The following DLG2 variants were observed in gnomAD, a reference collection of about 807,000 sequenced individuals.
DLG2 encodes disks large homolog 2.
A neutral mutation model predicts 132.5 loss-of-function variants in DLG2; 45 were observed. The observed-to-expected ratio is 0.34, with a 90% CI of 0.27 to 0.44. The LOEUF is 0.44. Among genes scored for constraint, DLG2 ranks in the 20% least tolerant of loss-of-function variants. The pLI is 1.00. For synonymous variants in DLG2, 424 were observed against 419.6 expected (o/e 1.01, Z -0.13); for missense variants, 1,045 against 1,196.9 (o/e 0.87, Z 1.87).
At chr11:84,096,035 A>T (rs2097160709) in intron 10 of DLG2, among the ~76,000 whole-genome samples, 2 of 152,204 alleles carry the variant, frequency 1.3e-5, no homozygotes. Context: ...ACATTGTGAA[A>T]GCTTTACCTT....
At chr11:84,439,969 A>C (rs1194829760) in intron 7 of DLG2, among the ~76,000 whole-genome samples, 2 of 152,152 alleles carry the variant, frequency 1.3e-5, no homozygotes, top group Admixed American at 6.5e-5. Flanking sequence ...TGACATTATA[A>C]TTTTTTATAT....
At chr11:85,294,165 A>G (rs2079081570) in intron 3 of DLG2, among the ~76,000 whole-genome samples, 1 of 152,156 alleles carries the variant, frequency 6.6e-6, no homozygotes, top group South Asian at 2.1e-4. Context: ...AGACATGCAT[A>G]TATAGAAAAT....
At chr11:84,565,841 T>G (rs1230922267) in intron 6 of DLG2, among the ~76,000 whole-genome samples, 2 of 152,112 alleles carry the variant, frequency 1.3e-5, no homozygotes, top group Non-Finnish European at 2.9e-5. Flanking sequence ...ATATCTCTAG[T>G]GATTTGATGA....
chr11:85,174,348 G>T (rs1471837931), intron 4 of DLG2, among the ~76,000 whole-genome samples: 1 of 152,142 alleles, frequency 6.6e-6, no homozygotes, highest in Admixed American at 6.6e-5. Context: ...CATGGAAATT[G>T]AACAACCTGC....
In DLG2 at chr11:84,982,302, T is replaced by A. The variant is rs188393469; in HGVS notation, c.357+129359A>T. On this transcript the variant is annotated intron_variant, in intron 6 of 27. Coordinates refer to ENST00000376104, the MANE Select transcript of DLG2 (RefSeq NM_001142699.3). The stretch of plus-strand genomic sequence containing the variant: ...CTATCTTAAAGGTACATCACATACA[T>A]CATGCCTAATACTAAACTCATGATC... Among the ~76,000 whole-genome samples the A allele has an allele frequency of 7.9e-5, 12 of 152,236 alleles. No individual in the cohort carries two copies. The East Asian group carries it at 2.3e-3, about 30-fold the overall frequency.
chr11:85,560,352 GAACTTTTTT>G (rs1349661986), intron 3 of DLG2, among the ~76,000 whole-genome samples: 1 of 151,720 alleles, frequency 6.6e-6, no homozygotes, highest in Non-Finnish European at 1.5e-5. Flanking sequence ...CCAGGGAAAG[GAACTTTTTT>G]AAATGTGATA....
At chr11:85,094,411 T>G (rs1412333436) in intron 6 of DLG2, among the ~76,000 whole-genome samples, 1 of 152,246 alleles carries the variant, frequency 6.6e-6, no homozygotes, top group Admixed American at 6.5e-5. Flanking sequence ...GGTAGCACCT[T>G]CTTTCATTAG....
At chr11:83,639,148 T>C (rs1033955261) in intron 18 of DLG2, among the ~76,000 whole-genome samples, 1 of 152,142 alleles carries the variant, frequency 6.6e-6, no homozygotes, top group Non-Finnish European at 1.5e-5. Flanking sequence ...AAGAAAACAA[T>C]ACACTCAGTG....
At position 85,484,074 on chromosome 11, in the gene DLG2, G is replaced by A. The variant is rs555743342; in HGVS notation, c.40+114583C>T. 3.2e-4 allele frequency among the ~76,000 whole-genome samples: 49 copies of A among 152,238 alleles called. No individual in the cohort carries two copies. The East Asian group carries it at 6.2e-3, about 19-fold the overall frequency. On this transcript the variant is annotated intron_variant, in intron 3 of 27. Coordinates refer to ENST00000376104, the MANE Select transcript of DLG2 (RefSeq NM_001142699.3). ...ACGAGACCGATAGTCAACAAGTACC[G>A]TAAGGGAAAGTTGAAAAGAACTTTG...
intron 6 of DLG2, among the ~76,000 whole-genome samples, chr11:84,655,501 T>C (rs2099687082): frequency 6.6e-6 from 1 of 151,978 alleles, no homozygotes; most frequent in African/African-American, 2.4e-5. Context: ...CATCTATTTC[T>C]TAAGCAAAAA....
At chr11:85,149,690 T>G (rs2077097983) in intron 5 of DLG2, among the ~76,000 whole-genome samples, 1 of 152,220 alleles carries the variant, frequency 6.6e-6, no homozygotes, top group Non-Finnish European at 1.5e-5. Flanking sequence ...ATTTCTGTAG[T>G]GTTTGTGTTG....
chr11:85,489,884 C>CA (rs35876715), intron 3 of DLG2, among the ~76,000 whole-genome samples: 125,998 of 151,992 alleles, frequency 0.83, 52,892 homozygotes, highest in Non-Finnish European at 0.91. Context: ...AAAGGACATG[C>CA]AAAAAATGAG....
chr11:84,428,632 A>C (rs972609709), intron 7 of DLG2, among the ~76,000 whole-genome samples: 1 of 152,226 alleles, frequency 6.6e-6, no homozygotes, highest in Non-Finnish European at 1.5e-5. Flanking sequence ...CACCAAGCCT[A>C]TCAGATTCAG....
intron 9 of DLG2, among the ~76,000 whole-genome samples, chr11:84,150,254 C>T (rs966327841): frequency 6.6e-6 from 1 of 152,096 alleles, no homozygotes; most frequent in Admixed American, 6.6e-5. Flanking sequence ...TTTCAGTTCT[C>T]CTGGTAGAGA....
chr11:84,572,984 T>G (rs1447623108), intron 6 of DLG2, among the ~76,000 whole-genome samples: 1 of 152,180 alleles, frequency 6.6e-6, no homozygotes, highest in Non-Finnish European at 1.5e-5. Flanking sequence ...AGGAGTCTTG[T>G]GTCTCCTGCC....
intron 18 of DLG2, among the ~76,000 whole-genome samples, chr11:83,750,361 TGCACTGAAA>T (rs1301592007): frequency 6.6e-6 from 1 of 152,192 alleles, no homozygotes; most frequent in Non-Finnish European, 1.5e-5. Flanking sequence ...ATACCTGAAT[TGCACTGAAA>T]TCCAATATAG....
intron 7 of DLG2, among the ~76,000 whole-genome samples, chr11:84,497,992 A>G (rs2099189947): frequency 6.6e-6 from 1 of 152,168 alleles, no homozygotes; most frequent in Non-Finnish European, 1.5e-5. Context: ...GCAAATGACT[A>G]CCAAGTACAC....
intron 6 of DLG2, among the ~76,000 whole-genome samples, chr11:84,653,934 A>G (rs1272083384): frequency 6.6e-6 from 1 of 152,208 alleles, no homozygotes; most frequent in Non-Finnish European, 1.5e-5. Context: ...ATTCCTGCAG[A>G]AAAGATCTTT....
At chr11:84,937,138 C>A (rs946658032) in intron 6 of DLG2, among the ~76,000 whole-genome samples, 5 of 152,110 alleles carry the variant, frequency 3.3e-5, no homozygotes, top group Non-Finnish European at 7.4e-5. Flanking sequence ...GGCAACAGAG[C>A]TAAACTCCCT....
Sources: allele counts gnomAD v4.1 joint callset (sites outside exome capture counted in the v4.1 genomes callset), GRCh38; gene constraint gnomAD v4.1.1; transcripts MANE v1.5; gene names NCBI Gene and HGNC (gene_info 2026-07-23, HGNC 2026-07-21).